CMIP: variants seen among roughly 807,000 people sequenced by gnomAD.
CMIP encodes C-Maf-inducing protein.
Under a neutral mutation model 97.3 loss-of-function variants are expected in CMIP, and 13 were observed. The observed-to-expected ratio is 0.13, with a 90% confidence interval of 0.09 to 0.21. The LOEUF is 0.21. Ranked by LOEUF, CMIP falls within the 10% of genes least tolerant of loss-of-function variation. CMIP has a pLI of 1.00. For synonymous variants in CMIP, 538 were observed against 436.3 expected (o/e 1.23, Z -2.91); for missense variants, 847 against 1,024.9 (o/e 0.83, Z 2.37).
intron 13 of CMIP, among the ~76,000 whole-genome samples, chr16:81,693,745 C>G (rs912973492): frequency 6.6e-6 from 1 of 152,196 alleles, no homozygotes; most frequent in African/African-American, 2.4e-5. Context: ...GCCTTGATTT[C>G]GGGCTGGGCT....
chr16:81,481,710 G>A (rs2089225962), intron 1 of CMIP, among the ~76,000 whole-genome samples: 1 of 152,136 alleles, frequency 6.6e-6, no homozygotes, highest in South Asian at 2.1e-4. Flanking sequence ...TCCACAGTGA[G>A]TCTCGTAGGG....
chr16:81,662,162 C>A (rs1466747217), intron 6 of CMIP, among the ~76,000 whole-genome samples: 1 of 152,214 alleles, frequency 6.6e-6, no homozygotes, highest in Non-Finnish European at 1.5e-5. Flanking sequence ...CTGCCTGTCA[C>A]AACAGATCAC....
intron 20 of CMIP, among the ~76,000 whole-genome samples, chr16:81,707,893 G>A (rs1908327106): frequency 6.6e-6 from 1 of 152,242 alleles, no homozygotes; most frequent in African/African-American, 2.4e-5. Flanking sequence ...AGCCACGCTG[G>A]CACCTTCGTG....
intron 1 of CMIP, among the ~76,000 whole-genome samples, chr16:81,448,675 C>T (rs146593731): frequency 9.3e-4 from 142 of 152,342 alleles, no homozygotes; most frequent in African/African-American, 1.8e-3. Context: ...TGGCTTGTGA[C>T]GGCCGCCAGG....
intron 2 of CMIP, among the ~76,000 whole-genome samples, chr16:81,615,112 G>T (rs1010453983): frequency 5.4e-5 from 8 of 148,988 alleles, no homozygotes; most frequent in African/African-American, 2.0e-4. Flanking sequence ...TGTATGGTAT[G>T]TGTCTGTGGT....
At chr16:81,450,397 G>T (rs1387443179) in intron 1 of CMIP, among the ~76,000 whole-genome samples, 1 of 152,130 alleles carries the variant, frequency 6.6e-6, no homozygotes, top group Admixed American at 6.5e-5. Context: ...TGTGACTTTT[G>T]GTGCTTTGCT....
rs570492322 is a variant in CMIP at position 81,627,340 on chromosome 16, C to T, written c.477+6414C>T. Among the ~76,000 whole-genome samples the T allele has an allele frequency of 1.4e-4, 22 of 152,076 alleles. No individual in the cohort carries two copies. The highest frequency in any genetic ancestry group is 3.9e-4 in the Admixed American group (6 of 15,282). Reference sequence around the variant, plus strand: ...TGGAATGGGGATGATCATGGCGTCTCGTCACTGGGCCGTGTGAGGATCGAA... The same window carrying T: ...TGGAATGGGGATGATCATGGCGTCTTGTCACTGGGCCGTGTGAGGATCGAA... On this transcript the variant is annotated intron_variant, in intron 3 of 20. Coordinates refer to ENST00000537098, the MANE Select transcript of CMIP (RefSeq NM_198390.3). The surrounding 1 kb of genome is among the most constrained non-coding windows in gnomAD (Gnocchi z 4.6).
chr16:81,516,031 C>T (rs1021248615), intron 1 of CMIP, among the ~76,000 whole-genome samples: 6 of 152,168 alleles, frequency 3.9e-5, no homozygotes, highest in Non-Finnish European at 5.9e-5. Flanking sequence ...CTCTGGCCTG[C>T]GGGTGGGGGC....
chr16:81,709,801 G>C lies in CMIP; in HGVS notation c.*2G>C, dbSNP rs1487223044. On this transcript the variant is annotated 3_prime_UTR_variant, in exon 21 of 21. Transcript: ENST00000537098. ...GTCCGCTACACCGAAGCCTGGTGAA[G>C]CTCCCAGCTCAAGGCAGGAAGACGT... 22 of 1,613,762 alleles carry C rather than the reference G, an allele frequency of 1.4e-5. No homozygotes were observed. The highest frequency in any genetic ancestry group is 1.9e-5 in the Non-Finnish European group (22 of 1,179,846).
chr16:81,522,168 T>A (rs2090040927), intron 1 of CMIP, among the ~76,000 whole-genome samples: 1 of 152,218 alleles, frequency 6.6e-6, no homozygotes, highest in Non-Finnish European at 1.5e-5. Context: ...CAACCCAGTG[T>A]GGCAACACCG....
At chr16:81,673,659 G>A (rs1324675179) in intron 9 of CMIP, among the ~76,000 whole-genome samples, 1 of 152,188 alleles carries the variant, frequency 6.6e-6, no homozygotes, top group Admixed American at 6.5e-5. Context: ...CGAGGCTGGC[G>A]GTGCTGGGAT....
At chr16:81,635,910 T>C (rs960657362) in intron 3 of CMIP, among the ~76,000 whole-genome samples, 1 of 152,000 alleles carries the variant, frequency 6.6e-6, no homozygotes, top group East Asian at 1.9e-4. Context: ...TGGACCCCGA[T>C]ATATAACATA....
At chr16:81,634,442 G>A (rs981271722) in intron 3 of CMIP, among the ~76,000 whole-genome samples, 2 of 152,164 alleles carry the variant, frequency 1.3e-5, no homozygotes, top group Admixed American at 1.3e-4. Context: ...CATAGCCTGA[G>A]ATCAAGCATG....
chr16:81,471,263 A>G (rs2927337), intron 1 of CMIP, among the ~76,000 whole-genome samples: 25,385 of 152,186 alleles, frequency 0.17, 3,225 homozygotes, highest in African/African-American at 0.36. Context: ...CACATACCAT[A>G]TATACTTGCT....
At position 81,652,664 on chromosome 16, in the gene CMIP, A is replaced by G. The variant is rs1343215775; in HGVS notation, c.639+300A>G. 1.3e-5 allele frequency among the ~76,000 whole-genome samples: 2 copies of G among 152,164 alleles called. No individual in the cohort carries two copies. The highest frequency in any genetic ancestry group is 1.9e-4 in the East Asian group (1 of 5,194). On this transcript the variant is annotated intron_variant, in intron 4 of 20. Coordinates refer to ENST00000537098, the MANE Select transcript of CMIP (RefSeq NM_198390.3). This position sits in a 1 kb window ranked among gnomAD's most constrained non-coding sequence, Gnocchi z 5.2. ...CTGTCTTCCCCTAGCAGTGGCCCAC[A>G]TGAGCTCCAGGGGTCCAGGGGGATT...
intron 1 of CMIP, among the ~76,000 whole-genome samples, chr16:81,479,214 C>G (rs1324781287): frequency 6.6e-6 from 1 of 152,130 alleles, no homozygotes; most frequent in Non-Finnish European, 1.5e-5. Flanking sequence ...CGGTCAGCTA[C>G]TCGAAGTTGC....
At chr16:81,469,812 C>T (rs1168438097) in intron 1 of CMIP, among the ~76,000 whole-genome samples, 5 of 152,142 alleles carry the variant, frequency 3.3e-5, no homozygotes, top group Admixed American at 6.5e-5. Context: ...GCCAGGCTGC[C>T]GTGGGAGTAT....
chr16:81,553,054 G>A lies in CMIP; in HGVS notation c.301-54513G>A, dbSNP rs146517364. ...CTGGGGATTGAGGAGGAGTTAGGGA[G>A]GTGAGGTGGGGATAAATGTTGTGAA... On this transcript the variant is annotated intron_variant, in intron 1 of 20. Coordinates refer to ENST00000537098, the MANE Select transcript of CMIP (RefSeq NM_198390.3). Among the ~76,000 whole-genome samples, 411 of 152,304 alleles carry A rather than the reference G, an allele frequency of 2.7e-3. 1 individual carries two copies. The highest frequency in any genetic ancestry group is 3.0e-3 in the Non-Finnish European group (203 of 68,020).
chr16:81,456,316 C>G (rs1169309214), intron 1 of CMIP, among the ~76,000 whole-genome samples: 1 of 152,200 alleles, frequency 6.6e-6, no homozygotes, highest in African/African-American at 2.4e-5. Flanking sequence ...CTCTCATCAG[C>G]CCCGTGAGGC....
Sources: allele counts gnomAD v4.1 joint callset (sites outside exome capture counted in the v4.1 genomes callset), GRCh38; gene constraint gnomAD v4.1.1; non-coding constraint Gnocchi (gnomAD v3.1); transcripts MANE v1.5; gene names NCBI Gene and HGNC (gene_info 2026-07-23, HGNC 2026-07-21).